The following ADAMTS10 variants were observed in gnomAD, a reference collection of about 807,000 sequenced individuals.
ADAMTS10 encodes the protein A disintegrin and metalloproteinase with thrombospondin motifs 10.
Under a neutral mutation model 135.9 loss-of-function variants are expected in ADAMTS10, and 48 were observed. The observed-to-expected ratio is 0.35, with a 90% CI of 0.28 to 0.45. The LOEUF (loss-of-function observed/expected upper bound fraction) is 0.45, where lower values mean the gene tolerates loss of function less well. Ranked by LOEUF, ADAMTS10 falls within the 20% of genes least tolerant of loss-of-function variation. ADAMTS10 has a pLI of 1.00. For missense variants in ADAMTS10, 1,131 were observed against 1,565.2 expected, an observed-to-expected ratio of 0.72 and a Z score of 4.68; for synonymous variants, 621 against 647.5, an observed-to-expected ratio of 0.96 and a Z score of 0.62.
chr19:8,584,276 G>A (rs1295019975), intron 25 of ADAMTS10, among the ~76,000 whole-genome samples: 1 of 152,024 alleles, frequency 6.6e-6, no homozygotes, highest in Non-Finnish European at 1.5e-5. Context: ...ACCCCCAGGG[G>A]ACATTGGGCA....
rs781963792 is a variant in ADAMTS10 at position 8,580,859 on chromosome 19, C to G, written c.*34G>C. 1 of 1,535,416 alleles carries G rather than the reference C, an allele frequency of 6.5e-7. No individual in the cohort carries two copies. Among genetic ancestry groups the G allele is most frequent in the South Asian group, 1.2e-5 (1 of 86,206 alleles). On this transcript the variant is annotated 3_prime_UTR_variant, in exon 26 of 26. Transcript: ENST00000597188. ...CCGCTGCAGGGCTGGCGGCGGAGAC[C>G]CCGCCAGCTGTGGCTCCGGGTGCCG...
At chr19:8,602,861 A>G (rs2042681701) in intron 5 of ADAMTS10, among the ~76,000 whole-genome samples, 1 of 152,142 alleles carries the variant, frequency 6.6e-6, no homozygotes, top group East Asian at 1.9e-4. Context: ...TCCTGGGCTC[A>G]AGTGATTTTC....
chr19:8,603,916 C>T (rs1555741993), intron 4 of ADAMTS10, 32 bp from the exon 5 acceptor site: 1 of 1,583,918 alleles, frequency 6.3e-7, no homozygotes, highest in Non-Finnish European at 8.6e-7. Context: ...AGAAAGCTCT[C>T]AGGATCAGGT....
intron 12 of ADAMTS10, among the ~76,000 whole-genome samples, chr19:8,595,160 T>C (rs2042587109): frequency 2.0e-5 from 3 of 152,056 alleles, no homozygotes; most frequent in Admixed American, 2.0e-4. Flanking sequence ...TGGCTGAACC[T>C]TGGTGGCTGA....
chr19:8,587,333 CTTTTTTTTTT>C (rs559435857), intron 18 of ADAMTS10, among the ~76,000 whole-genome samples: 2 of 77,468 alleles, frequency 2.6e-5, no homozygotes, highest in East Asian at 4.9e-4. Flanking sequence ...ACTAAAAAAC[CTTTTTTTTTT>C]TTTTTTTTTT....
At chr19:8,584,843 G>T in intron 25 of ADAMTS10, 52 bp downstream of exon 25, 1 of 1,544,932 alleles carries the variant, frequency 6.5e-7, no homozygotes, top group Non-Finnish European at 8.7e-7. Context: ...GCCCTCTGTG[G>T]CTGCCTCTGG....
chr19:8,589,401 A>AACCCCCCCCCCCCC, intron 17 of ADAMTS10, 36 bp from the exon 18 acceptor site: 25 of 1,599,284 alleles, frequency 1.6e-5, no homozygotes, highest in Non-Finnish European at 2.0e-5. Flanking sequence ...CGACCCCCTA[A>AACCCCCCCCCCCCC]CCCACCCCCG....
chr19:8,608,855 C>T (rs1404562757), intron 1 of ADAMTS10, among the ~76,000 whole-genome samples: 1 of 151,598 alleles, frequency 6.6e-6, no homozygotes. Flanking sequence ...GGACCCAGCA[C>T]AGGGGGTGAG....
At chr19:8,606,484 C>A (rs1600122650) in intron 2 of ADAMTS10, among the ~76,000 whole-genome samples, 1 of 152,292 alleles carries the variant, frequency 6.6e-6, no homozygotes, top group African/African-American at 2.4e-5. Context: ...TCACTGCAAC[C>A]CCCGCCTCCC....
intron 12 of ADAMTS10, chr19:8,595,502 C>T (rs2042591694): frequency 3.5e-5 from 18 of 514,944 alleles, no homozygotes; most frequent in South Asian, 3.3e-4. Context: ...AGAAGCTGGC[C>T]CCCCAGCCCA....
At chr19:8,610,098 G>A (rs1051395136) in intron 1 of ADAMTS10, among the ~76,000 whole-genome samples, 3 of 151,262 alleles carry the variant, frequency 2.0e-5, no homozygotes, top group South Asian at 2.1e-4. Context: ...CAGACACACA[G>A]GCCTACACGC....
intron 15 of ADAMTS10, among the ~76,000 whole-genome samples, chr19:8,591,442 G>GT (rs375476762): frequency 0.04 from 5,215 of 130,344 alleles, 278 homozygotes; most frequent in African/African-American, 0.11. Context: ...TAGCGTTTTT[G>GT]TTTTTTTTTT....
Position 8,599,449 on chromosome 19 carries a change from G to C in ADAMTS10, c.810+1479C>G, listed in dbSNP as rs929032482. ...GGGTTCAAGCGATTCTCCTGTCTCA[G>C]CCTCCCAAGTAGCTGGGATTACAGG... On this transcript the variant is annotated intron_variant, in intron 6 of 25. Transcript: ENST00000597188. 5.5e-4 allele frequency among the ~76,000 whole-genome samples: 84 copies of C among 152,074 alleles called. 1 individual carries two copies. The highest frequency in any genetic ancestry group is 1.9e-3 in the African/African-American group (80 of 41,446).
intron 1 of ADAMTS10, among the ~76,000 whole-genome samples, chr19:8,609,725 CTCACTG>C (rs2042760495): frequency 6.6e-6 from 1 of 152,156 alleles, no homozygotes; most frequent in South Asian, 2.1e-4. Flanking sequence ...CGGCTGTGGC[CTCACTG>C]ACCAACTCAG....
Position 8,592,107 on chromosome 19 carries a change from G to A in ADAMTS10, c.1588-4C>T, listed in dbSNP as rs2146066172. The A allele has an allele frequency of 6.2e-7, 1 of 1,613,670 alleles. No individual in the cohort carries two copies. Among genetic ancestry groups the A allele is most frequent in the Non-Finnish European group, 8.5e-7 (1 of 1,180,012 alleles). On this transcript the variant is annotated splice_region_variant and splice_polypyrimidine_tract_variant and intron_variant, in intron 13 of 25. Coordinates refer to ENST00000597188, the MANE Select transcript of ADAMTS10 (RefSeq NM_030957.4). The stretch of plus-strand genomic sequence containing the variant: ...CACAGACCCGTTTGTAGCACCACTG[G>A]GTGGGGGGAGACAGGAAGGAGTGAG...
chr19:8,585,431 G>A (rs2042413976), intron 23 of ADAMTS10, 25 bp downstream of exon 23: 3 of 1,536,956 alleles, frequency 2.0e-6, no homozygotes, highest in Non-Finnish European at 2.6e-6. Context: ...CATCCCAGTG[G>A]GCGCGAAGGA....
rs797041647 is a variant in ADAMTS10 at position 8,581,131 on chromosome 19, T to C, written c.3203-129A>G. On this transcript the variant is annotated intron_variant, in intron 25 of 25. Transcript: ENST00000597188. ...TTGGTTTCTTTCTTTTTAAATTTAC[T>C]TTTTTTTTTTTTTTTTTTTTTTTTT... The C allele has an allele frequency of 0.087, 2,491 of 28,506 alleles. 122 individuals carry two copies. The highest frequency in any genetic ancestry group is 0.32 in the African/African-American group (2,265 of 7,086). The allele number at this position is 28,506 out of a possible 1,614,324, so 1.8% of individuals were successfully genotyped here. A position where few individuals can be genotyped will look rare whatever the true frequency, so the allele number is the denominator to read the frequency against.
At chr19:8,592,290 A>G in intron 13 of ADAMTS10, 187 bp from the exon 14 acceptor site, 2 of 1,197,042 alleles carry the variant, frequency 1.7e-6, no homozygotes, top group Non-Finnish European at 2.3e-6. Flanking sequence ...ACCAGGTACA[A>G]GCGAGAGGCG....
In ADAMTS10 at chr19:8,589,280, G is replaced by A. The variant is rs1555738129; in HGVS notation, c.2120C>T (p.Thr707Ile). ...GGCTGGGCTGAAGACGCCCTCGATG[G>A]TCTCGCAGGCACTGCCGTCACCGCC... is the stretch of plus-strand genomic sequence containing the variant. ...VCGGDGSACE[T>I]IEGVFSPASP... The change falls in exon 18 of 26, where the codon ACC (threonine) becomes ATC (isoleucine). Residue 707 changes from threonine to isoleucine, a missense_variant. Physicochemically the swap from Thr to Ile is moderately conservative, Grantham distance 89 (BLOSUM62 -1). Coordinates refer to ENST00000597188, the MANE Select transcript of ADAMTS10 (RefSeq NM_030957.4). The A allele has an allele frequency of 1.8e-5, 29 of 1,612,524 alleles. No individual in the cohort carries two copies. The highest frequency in any genetic ancestry group is 2.4e-5 in the Non-Finnish European group (28 of 1,179,940).
Sources: allele counts gnomAD v4.1 joint callset (sites outside exome capture counted in the v4.1 genomes callset), GRCh38; gene constraint gnomAD v4.1.1; transcripts MANE v1.5; gene names NCBI Gene and HGNC (gene_info 2026-07-23, HGNC 2026-07-21).